DPYSL5: variants seen among roughly 807,000 people sequenced by gnomAD.
DPYSL5 encodes the protein dihydropyrimidinase like 5.
A neutral mutation model predicts 58.4 loss-of-function variants in DPYSL5; 9 were observed. The observed-to-expected ratio is 0.15, with a 90% CI of 0.09 to 0.27. The LOEUF (loss-of-function observed/expected upper bound fraction) is 0.27, where lower values mean the gene tolerates loss of function less well. Ranked by LOEUF, DPYSL5 falls within the 10% of genes least tolerant of loss-of-function variation. The pLI is 1.00. For synonymous variants in DPYSL5, 293 were observed against 301.9 expected (o/e 0.97, Z 0.31); for missense variants, 499 against 770.6 (o/e 0.65, Z 4.17).
At chr2:26,909,267 C>T (rs780429018) in intron 2 of DPYSL5, among the ~76,000 whole-genome samples, 1 of 152,124 alleles carries the variant, frequency 6.6e-6, no homozygotes, top group Non-Finnish European at 1.5e-5. Context: ...ACTGTAAGAA[C>T]GTTCTCACTG....
intron 1 of DPYSL5, among the ~76,000 whole-genome samples, chr2:26,897,672 T>G (rs1354612132): frequency 1.3e-5 from 2 of 152,210 alleles, no homozygotes; most frequent in Non-Finnish European, 2.9e-5. Flanking sequence ...ACCGGCTTCA[T>G]AAAATGAATT....
Position 26,927,076 on chromosome 2 carries a change from G to A in DPYSL5, c.421-177G>A, listed in dbSNP as rs368340351. Among the ~76,000 whole-genome samples, 5 of 152,350 alleles carry A rather than the reference G, an allele frequency of 3.3e-5. No individual in the cohort carries two copies. Among genetic ancestry groups the A allele is most frequent in the East Asian group, 3.9e-4 (2 of 5,188 alleles). On this transcript the variant is annotated intron_variant, in intron 3 of 12. Coordinates refer to ENST00000288699, the MANE Select transcript of DPYSL5 (RefSeq NM_020134.4). The surrounding 1 kb of genome is among the most constrained non-coding windows in gnomAD (Gnocchi z 4.3). The stretch of plus-strand genomic sequence containing the variant: ...CAGTACTTCCGCATCCATCTACTCA[G>A]GTGGCCTCACAGCAGCCTGTGGGGT...
At chr2:26,930,231 G>A (rs2384513) in intron 5 of DPYSL5, among the ~76,000 whole-genome samples, 1 of 60,102 alleles carries the variant, frequency 1.7e-5, no homozygotes, top group East Asian at 4.1e-4. Context: ...ACAGGAGAGA[G>A]CAAGGGGTGG....
At chr2:26,867,747 G>T (rs1663136611) in intron 1 of DPYSL5, among the ~76,000 whole-genome samples, 1 of 152,182 alleles carries the variant, frequency 6.6e-6, no homozygotes, top group South Asian at 2.1e-4. Context: ...GAGCCACCGC[G>T]CCCGGCCCCC....
intron 1 of DPYSL5, among the ~76,000 whole-genome samples, chr2:26,850,220 C>T (rs984920362): frequency 2.0e-5 from 3 of 152,164 alleles, no homozygotes; most frequent in Non-Finnish European, 4.4e-5. Flanking sequence ...GTGACCACAC[C>T]CAAGCCAGTG....
At chr2:26,891,457 G>A (rs1408115000) in intron 1 of DPYSL5, among the ~76,000 whole-genome samples, 1 of 152,024 alleles carries the variant, frequency 6.6e-6, no homozygotes, top group East Asian at 1.9e-4. Flanking sequence ...TCAGAGCCTC[G>A]TTAGCCTCCG....
intron 1 of DPYSL5, among the ~76,000 whole-genome samples, chr2:26,890,986 C>T (rs1051227468): frequency 1.2e-4 from 19 of 152,350 alleles, no homozygotes; most frequent in African/African-American, 4.6e-4. Flanking sequence ...TCTCCAAATA[C>T]AGCCACACTG....
chr2:26,927,327 C>T lies in DPYSL5; in HGVS notation c.495C>T (p.Asp165=). 1 of 1,614,222 alleles carries T rather than the reference C, an allele frequency of 6.2e-7. No homozygotes were observed. The highest frequency in any genetic ancestry group is 8.5e-7 in the Non-Finnish European group (1 of 1,180,034). ...NSFQMFMTYK[D]LYMLRDSELY... ...TCCAGATGTTCATGACCTACAAGGA[C>T]CTGTACATGCTTCGAGACAGTGAGC... The change falls in exon 4 of 13, where the codon GAC becomes GAT. Residue 165 remains aspartate, a synonymous_variant. Coordinates refer to ENST00000288699, the MANE Select transcript of DPYSL5 (RefSeq NM_020134.4). This position sits in a 1 kb window ranked among gnomAD's most constrained non-coding sequence, Gnocchi z 4.3.
intron 6 of DPYSL5, among the ~76,000 whole-genome samples, chr2:26,932,123 GAGAAAGAA>G (rs1237858790): frequency 9.4e-6 from 1 of 106,022 alleles, no homozygotes; most frequent in African/African-American, 4.7e-5. Context: ...AAAAAAGAAA[GAGAAAGAA>G]AGAAAGAGAA....
Position 26,925,643 on chromosome 2 carries a change from G to A in DPYSL5, c.420+598G>A, listed in dbSNP as rs1664813957. On this transcript the variant is annotated intron_variant, in intron 3 of 12. Coordinates refer to ENST00000288699, the MANE Select transcript of DPYSL5 (RefSeq NM_020134.4). The surrounding 1 kb of genome is among the most constrained non-coding windows in gnomAD (Gnocchi z 4.5). ...CAGCCTCTGTGCCTCCTTTGTGTCT[G>A]TGCCCCTGGCCTCTGGCTTTCCTGT... Among the ~76,000 whole-genome samples the A allele has an allele frequency of 6.6e-6, 1 of 152,140 alleles. No homozygotes were observed. Among genetic ancestry groups the A allele is most frequent in the Non-Finnish European group, 1.5e-5 (1 of 68,034 alleles).
chr2:26,942,232 CCCT>C lies in DPYSL5; in HGVS notation c.1232+143_1232+145del. The C allele has an allele frequency of 2.4e-6, 3 of 1,256,486 alleles. No individual in the cohort carries two copies. The highest frequency in any genetic ancestry group is 2.2e-6 in the Non-Finnish European group (2 of 909,796). The allele number at this position is 1,256,486 out of a possible 1,614,324, so 77.8% of individuals were successfully genotyped here. The stretch of plus-strand genomic sequence containing the variant: ...CCTGGCCTACCGTTGGCCATCTTCT[CCCT>C]CCATCTTCACACAGTCTTTCTTCCG... On this transcript the variant is annotated intron_variant, in intron 10 of 12. Transcript: ENST00000288699. This position sits in a 1 kb window ranked among gnomAD's most constrained non-coding sequence, Gnocchi z 5.9.
At chr2:26,883,279 CT>C (rs1369609287) in intron 1 of DPYSL5, among the ~76,000 whole-genome samples, 4 of 152,058 alleles carry the variant, frequency 2.6e-5, no homozygotes, top group African/African-American at 9.7e-5. Flanking sequence ...TTATCATTTC[CT>C]TGTTTTTGTT....
intron 1 of DPYSL5, among the ~76,000 whole-genome samples, chr2:26,872,143 T>C (rs963507149): frequency 3.9e-5 from 6 of 152,174 alleles, no homozygotes; most frequent in Non-Finnish European, 8.8e-5. Context: ...CTTGTACACG[T>C]GTTCTAAACT....
intron 2 of DPYSL5, among the ~76,000 whole-genome samples, chr2:26,910,604 T>TTTC (rs1240278958): frequency 3.4e-5 from 5 of 145,336 alleles, no homozygotes; most frequent in South Asian, 4.3e-4. Context: ...TCTTTTTTTC[T>TTTC]TTCTTCTTCT....
rs1277910700 is a variant in DPYSL5, at chr2:26,925,130, G to T, written c.420+85G>T. On this transcript the variant is annotated intron_variant, in intron 3 of 12. Coordinates refer to ENST00000288699, the MANE Select transcript of DPYSL5 (RefSeq NM_020134.4). This position sits in a 1 kb window ranked among gnomAD's most constrained non-coding sequence, Gnocchi z 4.5. ...GGTTGGGGTGCAGTGCCTCCTGCTT[G>T]TGTGGGGCACCCCTCCCACTACCAT... 34 of 1,521,146 alleles carry T rather than the reference G, an allele frequency of 2.2e-5. No individual in the cohort carries two copies. The highest frequency in any genetic ancestry group is 2.8e-5 in the Non-Finnish European group (32 of 1,125,492). The allele number at this position is 1,521,146 out of a possible 1,614,324, so 94.2% of individuals were successfully genotyped here.
chr2:26,936,050 C>G (rs955490048), intron 8 of DPYSL5, among the ~76,000 whole-genome samples: 1 of 152,236 alleles, frequency 6.6e-6, no homozygotes. Flanking sequence ...CCACTGCTCT[C>G]AGCTCTGTTC....
intron 1 of DPYSL5, among the ~76,000 whole-genome samples, chr2:26,873,936 A>G (rs1218136883): frequency 6.6e-6 from 1 of 152,028 alleles, no homozygotes. Context: ...CATAAAATTA[A>G]CCATTATACA....
chr2:26,944,733 G>A lies in DPYSL5; in HGVS notation c.1518G>A (p.Glu506=), dbSNP rs1221293547. The A allele has an allele frequency of 1.1e-5, 18 of 1,614,000 alleles. No homozygotes were observed. Among genetic ancestry groups the A allele is most frequent in the Non-Finnish European group, 1.3e-5 (15 of 1,180,028 alleles). ...TTGTCGTGCACCCTGGGAAAAAAGA[G>A]ATGGGAACCCCACTCGCAGACACTC... ...VAVVVHPGKK[E]MGTPLADTPT... Residue 506 remains glutamate (E), a synonymous_variant, in exon 12 of 13, where the codon GAG becomes GAA. Coordinates refer to ENST00000288699, the MANE Select transcript of DPYSL5 (RefSeq NM_020134.4). This position sits in a 1 kb window ranked among gnomAD's most constrained non-coding sequence, Gnocchi z 4.4.
Position 26,933,250 on chromosome 2 carries a change from G to C in DPYSL5, c.715-8G>C. On this transcript the variant is annotated splice_region_variant and splice_polypyrimidine_tract_variant and intron_variant, in intron 6 of 12. Transcript: ENST00000288699. This position sits in a 1 kb window ranked among gnomAD's most constrained non-coding sequence, Gnocchi z 4.2. ...CCCTCCCTACTTCCCACTGTTTCTT[G>C]TGTTTAGACTCACTGTCCAATCTAC... 6.2e-7 allele frequency: 1 copy of C among 1,613,954 alleles called. No homozygotes were observed. Among genetic ancestry groups the C allele is most frequent in the Non-Finnish European group, 8.5e-7 (1 of 1,179,802 alleles).
Sources: gnomAD v4.1 joint callset for allele counts (sites outside exome capture counted in the v4.1 genomes callset) on GRCh38, gnomAD v4.1.1 for gene constraint, Gnocchi (gnomAD v3.1) non-coding constraint, MANE v1.5 for transcripts, NCBI Gene and HGNC (gene_info 2026-07-23, HGNC 2026-07-21) for gene names.